SLF2: variants seen among roughly 807,000 people sequenced by gnomAD.
The protein encoded by SLF2 is SMC5/6 complex localization factor 2.
A neutral mutation model predicts 124.3 loss-of-function variants in SLF2; 68 were observed. That is an observed-to-expected ratio of 0.55 (90% CI 0.45 to 0.67). The LOEUF is 0.67. SLF2 is among the 30% of genes least tolerant of loss of function. SLF2 has a pLI of 0.00. For synonymous variants in SLF2, 480 were observed against 478.8 expected, an observed-to-expected ratio of 1.00 and a Z score of -0.03; for missense variants, 1,246 against 1,373.7, an observed-to-expected ratio of 0.91 and a Z score of 1.47.
intron 12 of SLF2, 80 bp downstream of exon 12, chr10:100,944,208 AG>A: frequency 2.0e-6 from 2 of 986,904 alleles, no homozygotes; most frequent in Non-Finnish European, 2.9e-6. Context: ...AAAAAAAAAA[AG>A]TCTCGGCCGG....
rs955004250 is a variant in SLF2 at position 100,912,991 on chromosome 10, G to A, written c.-120G>A. 3 of 1,099,656 alleles carry A rather than the reference G, an allele frequency of 2.7e-6. No individual in the cohort carries two copies. The South Asian group carries it at 4.5e-5, about 16-fold the overall frequency. 68.1% of individuals were successfully genotyped at this position (1,099,656 alleles called of 1,614,324 possible). Reference sequence around the variant, plus strand: ...TCCGAAGAGAGAACCGCCATGAAGAGAGAAGGGGGTGCCGCCCACCTCTGC... The same window carrying A: ...TCCGAAGAGAGAACCGCCATGAAGAAAGAAGGGGGTGCCGCCCACCTCTGC... On this transcript the variant is annotated 5_prime_UTR_variant, in exon 1 of 20. Coordinates refer to ENST00000238961, the MANE Select transcript of SLF2 (RefSeq NM_018121.4).
At position 100,945,594 on chromosome 10, in the gene SLF2, A is replaced by T. The variant is rs926061116; in HGVS notation, c.2934+88A>T. On this transcript the variant is annotated intron_variant, in intron 13 of 19. Transcript: ENST00000238961. ...CATATGGAATTAATACTGTTTCTAA[A>T]CTCAAGATCTTTGGCGGATTAAAAA... The T allele has an allele frequency of 5.0e-6, 5 of 1,004,416 alleles. No individual in the cohort carries two copies. The African/African-American group carries it at 6.8e-5, about 14-fold the overall frequency. 62.2% of individuals were successfully genotyped at this position (1,004,416 alleles called of 1,614,324 possible).
At chr10:100,932,720 TGCGCGCGC>T (rs1554878718) in intron 9 of SLF2, among the ~76,000 whole-genome samples, 5 of 36,264 alleles carry the variant, frequency 1.4e-4, no homozygotes, top group Admixed American at 3.2e-4. Context: ...TGTGTGTGTG[TGCGCGCGC>T]GCGCGCGCGC....
chr10:100,949,870 A>G (rs1204842357), intron 15 of SLF2, among the ~76,000 whole-genome samples: 1 of 152,186 alleles, frequency 6.6e-6, no homozygotes, highest in African/African-American at 2.4e-5. Flanking sequence ...TGTTGGGATT[A>G]CAGGTGTGAG....
At position 100,945,402 on chromosome 10, in the gene SLF2, T is replaced by C; in HGVS notation, c.2830T>C (p.Leu944=). The C allele has an allele frequency of 6.2e-7, 1 of 1,603,698 alleles. No individual in the cohort carries two copies. Among genetic ancestry groups the C allele is most frequent in the South Asian group, 1.1e-5 (1 of 88,158 alleles). The change falls in exon 13 of 20, where the codon TTA becomes CTA. Residue 944 remains leucine (L), a synonymous_variant. Transcript: ENST00000238961. ...DREIMLLILM[L]FKMSLEKQLK... ...TGAAATAATGTTGCTGATTTTAATG[T>C]TATTTAAAATGAGTTTGGAAAAACA...
intron 2 of SLF2, 143 bp from the exon 3 acceptor site, chr10:100,916,427 G>A: frequency 1.9e-6 from 1 of 518,516 alleles, no homozygotes; most frequent in Non-Finnish European, 2.8e-6. Context: ...AATAAAGTGT[G>A]TATCATTATC....
intron 12 of SLF2, among the ~76,000 whole-genome samples, chr10:100,944,566 A>T (rs1326182749): frequency 6.6e-6 from 1 of 151,674 alleles, no homozygotes; most frequent in Non-Finnish European, 1.5e-5. Context: ...TCTTAGCAAT[A>T]ATCTTTGTAT....
At position 100,917,148 on chromosome 10, in the gene SLF2, G is replaced by A; in HGVS notation, c.763G>A (p.Glu255Lys). The A allele has an allele frequency of 1.2e-6, 2 of 1,614,100 alleles. No individual in the cohort carries two copies. The highest frequency in any genetic ancestry group is 1.3e-5 in the African/African-American group (1 of 74,998). Residue 255 changes from glutamate to lysine, a missense_variant, in exon 3 of 20, where the codon GAG becomes AAG. Transcript: ENST00000238961. ...RERELKRLRK[E>K]QMEQRINSEN... Reference sequence around the variant, plus strand: ...ACGAGAACTAAAGAGGTTGAGAAAGGAGCAAATGGAGCAGAGAATCAACTC... The same window carrying A: ...ACGAGAACTAAAGAGGTTGAGAAAGAAGCAAATGGAGCAGAGAATCAACTC...
chr10:100,924,755 A>G lies in SLF2; in HGVS notation c.1754A>G (p.Asn585Ser). Residue 585 changes from asparagine (N) to serine (S), a missense_variant, in exon 5 of 20, where the codon AAT becomes AGT. Physicochemically the swap from Asn to Ser is conservative, Grantham distance 46. This residue lies in a region of SLF2 where 698 missense variants were observed against 708.9 expected (regional missense o/e 0.98). Coordinates refer to ENST00000238961, the MANE Select transcript of SLF2 (RefSeq NM_018121.4). ...CCTTCAGAAGGAGAGAGTTCAGGAA[A>G]TTCCAATGCAGGTAGCAGTGCACTG... is the stretch of plus-strand genomic sequence containing the variant. Reference protein sequence around the residue: ...KAPSEGESSGNSNAGSSALKR... With the variant: ...KAPSEGESSGSSNAGSSALKR... The G allele has an allele frequency of 2.5e-6, 4 of 1,614,162 alleles. No individual in the cohort carries two copies. The highest frequency in any genetic ancestry group is 3.4e-6 in the Non-Finnish European group (4 of 1,180,036).
At chr10:100,926,275 C>T in intron 6 of SLF2, 2 of 1,490,076 alleles carry the variant, frequency 1.3e-6, no homozygotes, top group South Asian at 1.3e-5. Flanking sequence ...CGCCACTTCA[C>T]TGCAGCCTGG....
At position 100,929,893 on chromosome 10, in the gene SLF2, A is replaced by G. The variant is rs1375545791; in HGVS notation, c.2229A>G (p.Glu743=). 2.5e-6 allele frequency: 4 copies of G among 1,598,872 alleles called. No individual in the cohort carries two copies. The highest frequency in any genetic ancestry group is 3.4e-6 in the Non-Finnish European group (4 of 1,174,750). The change falls in exon 8 of 20, where the codon GAA becomes GAG. Residue 743 remains glutamate, a synonymous_variant. Transcript: ENST00000238961. The part of the protein sequence containing the change: ...DAIPDHHPGE[E]IFNFLNSGKI... Reference sequence around the variant, plus strand: ...TTCCTGATCATCATCCAGGTGAAGAAATATTTAATTTCCTCAATTCTGGAA... The same window carrying G: ...TTCCTGATCATCATCCAGGTGAAGAGATATTTAATTTCCTCAATTCTGGAA...
chr10:100,961,027 T>TTTGTTG (rs1850418605), intron 19 of SLF2, among the ~76,000 whole-genome samples: 1 of 144,810 alleles, frequency 6.9e-6, no homozygotes. Flanking sequence ...TTTTTTTTTT[T>TTTGTTG]GAGACGGAGT....
At position 100,924,499 on chromosome 10, in the gene SLF2, A is replaced by G. The variant is rs1849576422; in HGVS notation, c.1498A>G (p.Lys500Glu). 1.2e-6 allele frequency: 2 copies of G among 1,613,986 alleles called. No homozygotes were observed. The highest frequency in any genetic ancestry group is 2.7e-5 in the African/African-American group (2 of 74,906). ...TAAAAATTGTGCTCTTCCAGTTTCT[A>G]AAAAAGATAAAGAGCGTTCCTCATC... The part of the protein sequence containing the change: ...NAKNCALPVS[K>E]KDKERSSSKE... The change falls in exon 5 of 20, where the codon AAA becomes GAA. Residue 500 changes from lysine to glutamate, a missense_variant. Coordinates refer to ENST00000238961, the MANE Select transcript of SLF2 (RefSeq NM_018121.4).
chr10:100,948,438 C>T (rs903889261), intron 15 of SLF2, among the ~76,000 whole-genome samples: 1 of 151,744 alleles, frequency 6.6e-6, no homozygotes, highest in African/African-American at 2.4e-5. Flanking sequence ...CAAGTCCAAC[C>T]TAAGCAACAT....
chr10:100,946,272 C>T (rs779529546), intron 13 of SLF2, among the ~76,000 whole-genome samples: 3 of 150,944 alleles, frequency 2.0e-5, no homozygotes, highest in Non-Finnish European at 2.9e-5. Context: ...GCAACTGTTA[C>T]GCTTTTTTAA....
At chr10:100,936,306 A>G (rs1849854409) in intron 9 of SLF2, among the ~76,000 whole-genome samples, 1 of 139,400 alleles carries the variant, frequency 7.2e-6, no homozygotes, top group Admixed American at 7.6e-5. Flanking sequence ...GAAGTCAATC[A>G]GTGATATCTT....
intron 6 of SLF2, 83 bp downstream of exon 6, chr10:100,926,102 AATC>A (rs777716440): frequency 6.2e-7 from 1 of 1,607,456 alleles, no homozygotes; most frequent in South Asian, 1.1e-5. Flanking sequence ...TTTTTTAAAA[AATC>A]ATGAGAAATT....
At chr10:100,921,049 A>G (rs1849516409) in intron 4 of SLF2, among the ~76,000 whole-genome samples, 1 of 152,214 alleles carries the variant, frequency 6.6e-6, no homozygotes, top group South Asian at 2.1e-4. Context: ...TAATCACGCA[A>G]TCATTAATCA....
intron 9 of SLF2, among the ~76,000 whole-genome samples, chr10:100,935,310 G>A (rs906648640): frequency 2.0e-5 from 3 of 152,026 alleles, no homozygotes; most frequent in African/African-American, 4.8e-5. Context: ...CAGGAGAATC[G>A]CTTGAACCTG....
Sources: gnomAD v4.1 joint callset for allele counts (sites outside exome capture counted in the v4.1 genomes callset) on GRCh38, gnomAD v4.1.1 for gene constraint, gnomAD v4.1.1 regional missense constraint, MANE v1.5 for transcripts, NCBI Gene and HGNC (gene_info 2026-07-23, HGNC 2026-07-21) for gene names.